Variants in TLR5 observed in about 807,000 individuals in gnomAD.
TLR5 encodes the protein toll like receptor 5.
For synonymous variants in TLR5, 373 were observed against 384.4 expected (o/e 0.97, Z 0.35); for missense variants, 944 against 999.8 (o/e 0.94, Z 0.75).
chr1:223,137,929 T>G (rs1454021421), intron 2 of TLR5, among the ~76,000 whole-genome samples: 1 of 146,152 alleles, frequency 6.8e-6, no homozygotes, highest in Non-Finnish European at 1.5e-5. Context: ...CTCTTTAACC[T>G]CCTCAGGTCT....
intron 5 of TLR5, among the ~76,000 whole-genome samples, chr1:223,119,187 A>G (rs1046426351): frequency 6.6e-6 from 1 of 152,140 alleles, no homozygotes; most frequent in African/African-American, 2.4e-5. Flanking sequence ...TTTTTGGTTG[A>G]CACGTGCATG....
rs748645760 is a variant in TLR5 at position 223,111,934 on chromosome 1, A to G, written c.1098T>C (p.Asp366=). 1.9e-6 allele frequency: 3 copies of G among 1,614,168 alleles called. No individual in the cohort carries two copies. The highest frequency in any genetic ancestry group is 2.5e-6 in the Non-Finnish European group (3 of 1,180,038). The change falls in exon 6 of 6, where the codon GAT becomes GAC. Residue 366 remains aspartate (D), a synonymous_variant. Coordinates refer to ENST00000642603, the MANE Select transcript of TLR5 (RefSeq NM_003268.6). ...TTATTGCAATGTGATTCTTTTGCAA[A>G]TCAATGTAGGCTACCTTAGGTAGTC... is the stretch of plus-strand genomic sequence containing the variant. ...FYGLPKVAYI[D]LQKNHIAIIQ...
chr1:223,118,130 C>T (rs377157144), intron 5 of TLR5, among the ~76,000 whole-genome samples: 8 of 152,318 alleles, frequency 5.3e-5, no homozygotes, highest in Middle Eastern at 3.4e-3. Context: ...CATGAGACAT[C>T]AGTCAGATAC....
chr1:223,112,197 G>T lies in TLR5; in HGVS notation c.835C>A (p.Gln279Lys). 6.2e-7 allele frequency: 1 copy of T among 1,614,178 alleles called. No individual in the cohort carries two copies. Among genetic ancestry groups the T allele is most frequent in the Non-Finnish European group, 8.5e-7 (1 of 1,180,036 alleles). Reference protein sequence around the residue: ...FGFHNIKDPDQNTFAGLARSS... With the variant: ...FGFHNIKDPDKNTFAGLARSS... ...CTGGCCAGGCCAGCAAATGTGTTCT[G>T]GTCAGGATCTTTGATGTTATGGAAG... The change falls in exon 6 of 6, where the codon CAG becomes AAG. Residue 279 changes from glutamine (Q) to lysine (K), a missense_variant. Coordinates refer to ENST00000642603, the MANE Select transcript of TLR5 (RefSeq NM_003268.6).
Position 223,112,427 on chromosome 1 carries a change from C to A in TLR5, c.605G>T (p.Ser202Ile). 1 of 1,614,150 alleles carries A rather than the reference C, an allele frequency of 6.2e-7. No homozygotes were observed. Among genetic ancestry groups the A allele is most frequent in the Non-Finnish European group, 8.5e-7 (1 of 1,180,040 alleles). ...PLQGKTLSFF[S>I]LAANSLYSRV... is the part of the protein sequence containing the mutation. The stretch of plus-strand genomic sequence containing the variant: ...GCTATACAAGCTATTAGCTGCGAGG[C>A]TAAAAAAGGAGAGCGTTTTCCCTTG... The change falls in exon 6 of 6, where the codon AGC becomes ATC. Residue 202 changes from serine to isoleucine, a missense_variant. Transcript: ENST00000642603.
chr1:223,112,218 G>A lies in TLR5; in HGVS notation c.814C>T (p.His272Tyr). 3 of 1,614,188 alleles carry A rather than the reference G, an allele frequency of 1.9e-6. No individual in the cohort carries two copies. Among genetic ancestry groups the A allele is most frequent in the Non-Finnish European group, 2.5e-6 (3 of 1,180,030 alleles). The change falls in exon 6 of 6, where the codon CAT (histidine) becomes TAT (tyrosine). Residue 272 changes from histidine to tyrosine, a missense_variant. By Grantham distance (83) the His-to-Tyr change is moderately conservative. Transcript: ENST00000642603. Reference sequence around the variant, plus strand: ...TTCTGGTCAGGATCTTTGATGTTATGGAAGCCAAACCCGGCACCCATGATG... The same window carrying A: ...TTCTGGTCAGGATCTTTGATGTTATAGAAGCCAAACCCGGCACCCATGATG... ...HHIMGAGFGF[H>Y]NIKDPDQNTF...
intron 5 of TLR5, among the ~76,000 whole-genome samples, chr1:223,124,924 GGAA>G (rs1657107688): frequency 6.6e-6 from 1 of 152,180 alleles, no homozygotes. Flanking sequence ...TGTGAATGGG[GGAA>G]GAAGGGTTGT....
At position 223,111,042 on chromosome 1, in the gene TLR5, G is replaced by A. The variant is rs768801743; in HGVS notation, c.1990C>T (p.Arg664Trp). 8.1e-6 allele frequency: 13 copies of A among 1,614,156 alleles called. No homozygotes were observed. Among genetic ancestry groups the A allele is most frequent in the East Asian group, 2.2e-5 (1 of 44,882 alleles). Residue 664 changes from arginine to tryptophan, a missense_variant, in exon 6 of 6, where the codon CGG (arginine) becomes TGG (tryptophan). Arg to Trp is a moderately radical substitution (Grantham distance 101). Transcript: ENST00000642603. Reference protein sequence around the residue: ...LMTILTVTKFRGFCFICYKTA... With the variant: ...LMTILTVTKFWGFCFICYKTA... ...TTATAACAGATAAAACAGAAGCCCC[G>A]GAACTTTGTGACTGTGAGGATGGTC...
intron 5 of TLR5, among the ~76,000 whole-genome samples, chr1:223,122,986 C>A (rs947492321): frequency 6.6e-6 from 1 of 152,074 alleles, no homozygotes; most frequent in Non-Finnish European, 1.5e-5. Flanking sequence ...AAACACAGAC[C>A]GTAGTTTGCT....
chr1:223,124,421 C>A lies in TLR5; in HGVS notation c.-5+8054G>T, dbSNP rs1259000826. ...TCATGCCACTGCACTCCAGCCTGGG[C>A]GACAAGAGCAAGACTCCGTCTAAAA... On this transcript the variant is annotated intron_variant, in intron 5 of 5. Transcript: ENST00000642603. Among the ~76,000 whole-genome samples, 4 of 138,434 alleles carry A rather than the reference C, an allele frequency of 2.9e-5. No individual in the cohort carries two copies. The Admixed American group carries it at 3.1e-4, about 11-fold the overall frequency. 90.8% of individuals were successfully genotyped at this position (138,434 alleles called of 152,430 possible). A position where few individuals can be genotyped will look rare whatever the true frequency, so the allele number is the denominator to read the frequency against.
intron 4 of TLR5, among the ~76,000 whole-genome samples, chr1:223,134,062 G>A (rs1657506997): frequency 6.6e-6 from 1 of 152,096 alleles, no homozygotes; most frequent in South Asian, 2.1e-4. Context: ...TGTGAGCTTG[G>A]GCGAGTGCTG....
In TLR5 at chr1:223,124,173, G is replaced by C. The variant is rs887172560; in HGVS notation, c.-5+8302C>G. Among the ~76,000 whole-genome samples, 4 of 152,244 alleles carry C rather than the reference G, an allele frequency of 2.6e-5. No individual in the cohort carries two copies. In the East Asian group the frequency reaches 7.7e-4, roughly 29 times the overall value. On this transcript the variant is annotated intron_variant, in intron 5 of 5. Coordinates refer to ENST00000642603, the MANE Select transcript of TLR5 (RefSeq NM_003268.6). ...TAAAGAAAGGATTGGGCCAGGCGCTGTGGCTCACGCCTGTAATCCCAGCAC... is the reference window on the plus strand; with the variant it reads ...TAAAGAAAGGATTGGGCCAGGCGCTCTGGCTCACGCCTGTAATCCCAGCAC...
At chr1:223,141,249 T>C (rs1657825549) in intron 2 of TLR5, 1 of 152,198 alleles carries the variant, frequency 6.6e-6, no homozygotes, top group African/African-American at 2.4e-5. Context: ...ACGGAGGCAC[T>C]GTTCTGGAAA....
chr1:223,118,108 A>G (rs1285461062), intron 5 of TLR5, among the ~76,000 whole-genome samples: 1 of 152,210 alleles, frequency 6.6e-6, no homozygotes, highest in Non-Finnish European at 1.5e-5. Flanking sequence ...GGTTTTATAC[A>G]TTTTTGGGAG....
chr1:223,110,505 T>C lies in TLR5; in HGVS notation c.2527A>G (p.Lys843Glu). The change falls in exon 6 of 6, where the codon AAG becomes GAG. Residue 843 changes from lysine (K) to glutamate (E), a missense_variant. Lys to Glu is a moderately conservative substitution (Grantham distance 56). Coordinates refer to ENST00000642603, the MANE Select transcript of TLR5 (RefSeq NM_003268.6). ...SQQILKKEKE[K>E]KKDNNIPLQT... ...AACGGAATGTTATTGTCTTTCTTCT[T>C]TTCTTTTTCTTTCTTTAGTATCTGT... The C allele has an allele frequency of 6.2e-7, 1 of 1,614,152 alleles. No homozygotes were observed. Among genetic ancestry groups the C allele is most frequent in the Non-Finnish European group, 8.5e-7 (1 of 1,180,020 alleles).
In TLR5 at chr1:223,113,010, G is replaced by A. The variant is rs757965921; in HGVS notation, c.22C>T (p.Leu8Phe). 7 of 1,614,182 alleles carry A rather than the reference G, an allele frequency of 4.3e-6. No individual in the cohort carries two copies. Among genetic ancestry groups the A allele is most frequent in the Non-Finnish European group, 5.1e-6 (6 of 1,180,042 alleles). Residue 8 changes from leucine to phenylalanine, a missense_variant, in exon 6 of 6, where the codon CTC (leucine) becomes TTC (phenylalanine). Coordinates refer to ENST00000642603, the MANE Select transcript of TLR5 (RefSeq NM_003268.6). MGDHLDLLLGVVLMAGPV... is the reference protein window; with the variant it reads MGDHLDLFLGVVLMAGPV... ...CCGGCCATGAGCACCACTCCTAGGAGAAGGTCCAGGTGGTCTCCCATGATC... is the reference window on the plus strand; with the variant it reads ...CCGGCCATGAGCACCACTCCTAGGAAAAGGTCCAGGTGGTCTCCCATGATC...
chr1:223,135,802 G>A (rs1222221095), intron 3 of TLR5, among the ~76,000 whole-genome samples: 3 of 152,042 alleles, frequency 2.0e-5, no homozygotes, highest in Non-Finnish European at 2.9e-5. Context: ...TTAATGTACC[G>A]ATGAAAAAAA....
chr1:223,132,993 T>C (rs1657453558), intron 4 of TLR5, among the ~76,000 whole-genome samples: 1 of 152,188 alleles, frequency 6.6e-6, no homozygotes, highest in Non-Finnish European at 1.5e-5. Context: ...CTGTCCCTAT[T>C]GTCCAGTGAG....
At chr1:223,119,027 C>T (rs1656813347) in intron 5 of TLR5, among the ~76,000 whole-genome samples, 1 of 151,958 alleles carries the variant, frequency 6.6e-6, no homozygotes, top group African/African-American at 2.4e-5. Context: ...TTGCTTGAAC[C>T]CAGGAGGCAG....
Sources: gnomAD v4.1 joint callset for allele counts (sites outside exome capture counted in the v4.1 genomes callset) on GRCh38, gnomAD v4.1.1 for gene constraint, MANE v1.5 for transcripts, NCBI Gene and HGNC (gene_info 2026-07-23, HGNC 2026-07-21) for gene names.